The following ATRNL1 variants were observed in gnomAD, a reference collection of about 807,000 sequenced individuals.
ATRNL1 encodes attractin-like protein 1.
ATRNL1 carries 95 observed loss-of-function variants against 182.7 expected under a neutral mutation model. The observed-to-expected ratio is 0.52, with a 90% CI of 0.44 to 0.62. The LOEUF is 0.62. Among genes scored for constraint, ATRNL1 ranks in the 20% least tolerant of loss-of-function variants. ATRNL1 has a pLI of 0.00. For synonymous variants in ATRNL1, 576 were observed against 568.3 expected (o/e 1.01, Z -0.19); for missense variants, 1,471 against 1,679.5 (o/e 0.88, Z 2.17).
chr10:115,755,228 G>A lies in ATRNL1; in HGVS notation c.3903+27873G>A, dbSNP rs374288494. Among the ~76,000 whole-genome samples the A allele has an allele frequency of 3.3e-5, 5 of 152,260 alleles. No individual in the cohort carries two copies. In the East Asian group the frequency reaches 5.8e-4, roughly 18 times the overall value. The stretch of plus-strand genomic sequence containing the variant: ...TATGTTGAAGAGGAGTGGTGAGAGA[G>A]GGCATCCTTTTCTTGTGCTGGTTTT... On this transcript the variant is annotated intron_variant, in intron 27 of 28. Transcript: ENST00000355044.
At chr10:115,414,793 CTT>C (rs1454802205) in intron 20 of ATRNL1, among the ~76,000 whole-genome samples, 1 of 151,680 alleles carries the variant, frequency 6.6e-6, no homozygotes, top group Non-Finnish European at 1.5e-5. Flanking sequence ...TTTAGATACT[CTT>C]TTGAGTTTTA....
intron 28 of ATRNL1, among the ~76,000 whole-genome samples, chr10:115,899,747 C>A (rs1565471405): frequency 6.6e-6 from 1 of 152,152 alleles, no homozygotes; most frequent in Non-Finnish European, 1.5e-5. Context: ...ACAGCTTTTA[C>A]TGTAGTTTTT....
chr10:115,408,908 C>T lies in ATRNL1; in HGVS notation c.3269+14156C>T, dbSNP rs569056101. ...GTAGATATGTAATTTCTGTGTTCTC[C>T]ATTATGTTTCATTGATCTATGTGTC... On this transcript the variant is annotated intron_variant, in intron 20 of 28. Transcript: ENST00000355044. Among the ~76,000 whole-genome samples, 3 of 152,082 alleles carry T rather than the reference C, an allele frequency of 2.0e-5. No individual in the cohort carries two copies. In the East Asian group the frequency reaches 5.8e-4, roughly 29 times the overall value.
At chr10:115,341,659 A>G (rs1554938371) in intron 19 of ATRNL1, among the ~76,000 whole-genome samples, 2 of 152,084 alleles carry the variant, frequency 1.3e-5, no homozygotes, top group African/African-American at 4.8e-5. Context: ...CTTTACCTCT[A>G]ATAATAATAT....
intron 20 of ATRNL1, among the ~76,000 whole-genome samples, chr10:115,405,158 A>T (rs538086822): frequency 6.6e-6 from 1 of 152,324 alleles, no homozygotes; most frequent in East Asian, 1.9e-4. Context: ...TCTTCTATAT[A>T]TTTATTATTA....
chr10:115,469,630 A>T (rs1244797761), intron 24 of ATRNL1, among the ~76,000 whole-genome samples: 1 of 150,590 alleles, frequency 6.6e-6, no homozygotes, highest in Admixed American at 6.6e-5. Flanking sequence ...GGGTTAAATA[A>T]ATACTGTTCT....
chr10:115,622,306 G>A (rs745825880), intron 26 of ATRNL1, among the ~76,000 whole-genome samples: 1 of 152,192 alleles, frequency 6.6e-6, no homozygotes, highest in Non-Finnish European at 1.5e-5. Context: ...GAATATTGGT[G>A]ACAAGGGCTT....
At chr10:115,648,212 A>G (rs1482821560) in intron 26 of ATRNL1, among the ~76,000 whole-genome samples, 4 of 152,190 alleles carry the variant, frequency 2.6e-5, no homozygotes, top group African/African-American at 9.7e-5. Flanking sequence ...CAATTGCTTC[A>G]AAGAGAATAA....
At chr10:115,643,121 A>T (rs1859360572) in intron 26 of ATRNL1, among the ~76,000 whole-genome samples, 1 of 152,210 alleles carries the variant, frequency 6.6e-6, no homozygotes, top group Admixed American at 6.5e-5. Flanking sequence ...AGAAAGTGCA[A>T]CATTCATTAA....
intron 4 of ATRNL1, among the ~76,000 whole-genome samples, chr10:115,129,048 G>C (rs782801102): frequency 6.6e-6 from 1 of 151,992 alleles, no homozygotes; most frequent in South Asian, 2.1e-4. Context: ...GCCTGGAACC[G>C]TACAGATCCT....
intron 24 of ATRNL1, among the ~76,000 whole-genome samples, chr10:115,470,232 TTTC>T (rs146983993): frequency 0.019 from 2,882 of 150,448 alleles, 62 homozygotes; most frequent in East Asian, 0.12. Context: ...GGAAAAAATT[TTTC>T]TTCTTATTTT....
chr10:115,150,640 T>A (rs1554880369), intron 5 of ATRNL1, among the ~76,000 whole-genome samples: 1 of 152,158 alleles, frequency 6.6e-6, no homozygotes, highest in Non-Finnish European at 1.5e-5. Flanking sequence ...TTGTACAGTT[T>A]CCAAAGTTCC....
intron 5 of ATRNL1, among the ~76,000 whole-genome samples, chr10:115,137,867 C>G (rs1845585576): frequency 6.6e-6 from 1 of 152,190 alleles, no homozygotes; most frequent in Non-Finnish European, 1.5e-5. Flanking sequence ...TCAGCATTAA[C>G]TCTAAAGTCC....
At chr10:115,939,876 G>A (rs1400737080) in intron 28 of ATRNL1, among the ~76,000 whole-genome samples, 1 of 152,190 alleles carries the variant, frequency 6.6e-6, no homozygotes, top group African/African-American at 2.4e-5. Flanking sequence ...AAAGTCATGA[G>A]AAAGTGTGTG....
At chr10:115,128,889 C>CAA (rs1845097126) in intron 4 of ATRNL1, among the ~76,000 whole-genome samples, 1 of 150,046 alleles carries the variant, frequency 6.7e-6, no homozygotes, top group Non-Finnish European at 1.5e-5. Context: ...TCTTCAATAA[C>CAA]AGTGTATGGG....
At chr10:115,538,132 G>C (rs1238571146) in intron 25 of ATRNL1, among the ~76,000 whole-genome samples, 1 of 152,048 alleles carries the variant, frequency 6.6e-6, no homozygotes, top group Non-Finnish European at 1.5e-5. Flanking sequence ...ACAGTTTTTG[G>C]TACTTATAAA....
At chr10:115,842,542 C>G (rs942135135) in intron 27 of ATRNL1, among the ~76,000 whole-genome samples, 2 of 152,008 alleles carry the variant, frequency 1.3e-5, no homozygotes, top group Admixed American at 6.6e-5. Flanking sequence ...GGGAAACTGA[C>G]TTAGTAACAA....
intron 28 of ATRNL1, among the ~76,000 whole-genome samples, chr10:115,859,095 T>A (rs1235020701): frequency 6.6e-6 from 1 of 152,028 alleles, no homozygotes; most frequent in Non-Finnish European, 1.5e-5. Context: ...GGCACTAATC[T>A]CATCCTGAAG....
At chr10:115,853,493 G>C (rs1555101055) in intron 28 of ATRNL1, among the ~76,000 whole-genome samples, 3 of 152,136 alleles carry the variant, frequency 2.0e-5, no homozygotes, top group African/African-American at 7.2e-5. Context: ...TCTGAACACA[G>C]TTTTTTAAAG....
Sources: allele counts gnomAD v4.1 joint callset (sites outside exome capture counted in the v4.1 genomes callset), GRCh38; gene constraint gnomAD v4.1.1; transcripts MANE v1.5; gene names NCBI Gene and HGNC (gene_info 2026-07-23, HGNC 2026-07-21).